SPATA21: variants seen among roughly 807,000 people sequenced by gnomAD.
The protein encoded by SPATA21 is spermatogenesis-associated protein 21.
SPATA21 carries 47 observed loss-of-function variants against 54.8 expected under a neutral mutation model. The ratio of observed to expected loss-of-function variants is 0.86; its 90% CI spans 0.68 to 1.09. SPATA21 has a LOEUF of 1.09. SPATA21 is among the 50% of genes least tolerant of loss of function. The probability of loss-of-function intolerance (pLI) is 0.00; values close to 1 mark genes in which losing one functional copy is unlikely to be tolerated. For synonymous variants in SPATA21, 245 were observed against 235.3 expected (o/e 1.04, Z -0.38); for missense variants, 599 against 596.4 (o/e 1.00, Z -0.05).
At chr1:16,416,248 A>T (rs2086002807) in intron 5 of SPATA21, among the ~76,000 whole-genome samples, 1 of 152,178 alleles carries the variant, frequency 6.6e-6, no homozygotes, top group Non-Finnish European at 1.5e-5. Flanking sequence ...CAAGGTGTTA[A>T]GAGTGTCATT....
At chr1:16,403,643 A>C in intron 10 of SPATA21, 84 bp downstream of exon 10, 2 of 1,230,348 alleles carry the variant, frequency 1.6e-6, no homozygotes, top group East Asian at 4.7e-5. Context: ...AAAAGTCGTA[A>C]CTACCAAAAG....
chr1:16,431,741 G>A (rs1327614364), intron 2 of SPATA21, among the ~76,000 whole-genome samples: 1 of 152,140 alleles, frequency 6.6e-6, no homozygotes. Flanking sequence ...CGCTTTCCCC[G>A]ACGGCGACAT....
At chr1:16,417,007 T>C (rs761722830) in intron 5 of SPATA21, among the ~76,000 whole-genome samples, 1 of 152,212 alleles carries the variant, frequency 6.6e-6, no homozygotes, top group Non-Finnish European at 1.5e-5. Context: ...TTTTATAACA[T>C]GTATGCATGG....
intron 1 of SPATA21, among the ~76,000 whole-genome samples, chr1:16,435,283 G>C (rs1205544496): frequency 6.6e-6 from 1 of 151,800 alleles, no homozygotes; most frequent in Non-Finnish European, 1.5e-5. Flanking sequence ...TTGGCCATTT[G>C]TCTATCTTCT....
At chr1:16,410,625 G>A (rs1255665309) in intron 5 of SPATA21, among the ~76,000 whole-genome samples, 1 of 152,080 alleles carries the variant, frequency 6.6e-6, no homozygotes, top group Admixed American at 6.6e-5. Flanking sequence ...TGGCCAGGCT[G>A]GTCTCCAACT....
chr1:16,433,481 G>A (rs956662023), intron 1 of SPATA21, among the ~76,000 whole-genome samples: 10 of 152,264 alleles, frequency 6.6e-5, no homozygotes, highest in African/African-American at 2.2e-4. Context: ...AGCCATTCCC[G>A]CTTCCTCTGA....
chr1:16,424,227 G>T (rs913239288), intron 3 of SPATA21, among the ~76,000 whole-genome samples: 5 of 346 alleles, frequency 0.014, no homozygotes, highest in East Asian at 0.062. Context: ...GCAGGAGAAT[G>T]GCATGAACCT....
At chr1:16,402,364 T>C (rs1188190386) in intron 10 of SPATA21, among the ~76,000 whole-genome samples, 2 of 141,904 alleles carry the variant, frequency 1.4e-5, no homozygotes, top group African/African-American at 2.6e-5. Context: ...TGGGTTCACG[T>C]CATTCTCCTG....
At chr1:16,423,412 C>CAAA (rs1161125061) in intron 3 of SPATA21, among the ~76,000 whole-genome samples, 5 of 59,120 alleles carry the variant, frequency 8.5e-5, no homozygotes, top group Non-Finnish European at 1.1e-4. Context: ...GACTCCATGT[C>CAAA]AAAAAAAAAA....
intron 5 of SPATA21, among the ~76,000 whole-genome samples, chr1:16,414,197 G>C (rs1252776834): frequency 6.6e-6 from 1 of 151,818 alleles, no homozygotes; most frequent in Non-Finnish European, 1.5e-5. Context: ...TCCCGAGTAG[G>C]TGGGATCACA....
rs754886237 is a variant in SPATA21, at chr1:16,409,102, A to G, written c.673+16T>C. 2.5e-6 allele frequency: 4 copies of G among 1,613,436 alleles called. No individual in the cohort carries two copies. Among genetic ancestry groups the G allele is most frequent in the Non-Finnish European group, 3.4e-6 (4 of 1,179,746 alleles). On this transcript the variant is annotated intron_variant, in intron 7 of 12. Coordinates refer to ENST00000335496, the MANE Select transcript of SPATA21 (RefSeq NM_198546.1). The surrounding 1 kb of genome is among the most constrained non-coding windows in gnomAD (Gnocchi z 4.1). ...TCCTGCCTGTGCTGGGACCTCCCTG[A>G]CCTCCCTGCCCTCACCTTCCTCTTG...
chr1:16,423,284 G>A (rs1053197179), intron 3 of SPATA21, among the ~76,000 whole-genome samples: 2 of 147,404 alleles, frequency 1.4e-5, no homozygotes, highest in Admixed American at 6.8e-5. Flanking sequence ...GTGGTGGTAC[G>A]TGCCTGTAAT....
chr1:16,404,354 C>T (rs2100790492), intron 8 of SPATA21, among the ~76,000 whole-genome samples: 1 of 152,236 alleles, frequency 6.6e-6, no homozygotes, highest in Middle Eastern at 3.4e-3. Flanking sequence ...CCTGTAATCC[C>T]AGCTACTTGG....
chr1:16,399,653 C>G, intron 11 of SPATA21, 132 bp from the exon 12 acceptor site: 2 of 1,020,364 alleles, frequency 2.0e-6, no homozygotes, highest in Non-Finnish European at 2.8e-6. Flanking sequence ...CTTAACCTCT[C>G]TAAGCTTCTG....
chr1:16,403,726 C>T lies in SPATA21; in HGVS notation c.1001+1G>A, dbSNP rs753470081. The T allele has an allele frequency of 1.6e-5, 25 of 1,612,892 alleles. No individual in the cohort carries two copies. Among genetic ancestry groups the T allele is most frequent in the Admixed American group, 1.2e-4 (7 of 59,974 alleles). ...CACCCCCAACAACCGGCCCCACTCA[C>T]TTTGTGATTTCCTCTAAGACTGCCT... On this transcript the variant is annotated splice_donor_variant, in intron 10 of 12. Coordinates refer to ENST00000335496, the MANE Select transcript of SPATA21 (RefSeq NM_198546.1). LOFTEE classifies it high-confidence loss of function.
intron 1 of SPATA21, among the ~76,000 whole-genome samples, chr1:16,434,576 G>A (rs1234003530): frequency 6.6e-6 from 1 of 152,138 alleles, no homozygotes; most frequent in African/African-American, 2.4e-5. Context: ...GATTACAGGT[G>A]TGAGCCACCA....
chr1:16,421,191 C>G lies in SPATA21; in HGVS notation c.144+318G>C, dbSNP rs117895261. Among the ~76,000 whole-genome samples the G allele has an allele frequency of 6.6e-6, 1 of 151,884 alleles. No individual in the cohort carries two copies. Among genetic ancestry groups the G allele is most frequent in the Non-Finnish European group, 1.5e-5 (1 of 67,950 alleles). ...ATGCTTTGGATTGTGTGGCTGTGGCCGAGGGCAAATGGGTGGAAGAAATCC... is the reference window on the plus strand; with the variant it reads ...ATGCTTTGGATTGTGTGGCTGTGGCGGAGGGCAAATGGGTGGAAGAAATCC... On this transcript the variant is annotated intron_variant, in intron 5 of 12. Coordinates refer to ENST00000335496, the MANE Select transcript of SPATA21 (RefSeq NM_198546.1). This position sits in a 1 kb window ranked among gnomAD's most constrained non-coding sequence, Gnocchi z 5.2.
chr1:16,436,184 T>C (rs2086581202), intron 1 of SPATA21, among the ~76,000 whole-genome samples: 1 of 151,784 alleles, frequency 6.6e-6, no homozygotes, highest in Non-Finnish European at 1.5e-5. Context: ...GTTGGGAGTT[T>C]GAGACCAGCC....
intron 5 of SPATA21, among the ~76,000 whole-genome samples, chr1:16,418,980 G>T (rs1267949424): frequency 6.6e-6 from 1 of 152,224 alleles, no homozygotes; most frequent in Admixed American, 6.5e-5. Context: ...GCATAGAGGA[G>T]TAAGTCAACT....
Sources: allele counts gnomAD v4.1 joint callset (sites outside exome capture counted in the v4.1 genomes callset), GRCh38; gene constraint gnomAD v4.1.1; non-coding constraint Gnocchi (gnomAD v3.1); transcripts MANE v1.5; gene names NCBI Gene and HGNC (gene_info 2026-07-23, HGNC 2026-07-21).